The following DRAM1 variants were observed in gnomAD, a reference collection of about 807,000 sequenced individuals.
DRAM1 encodes the protein DNA damage-regulated autophagy modulator protein 1.
Under a neutral mutation model 28.5 loss-of-function variants are expected in DRAM1, and 25 were observed. That is an observed-to-expected ratio of 0.88 (90% CI 0.64 to 1.23). DRAM1 has a LOEUF of 1.23. Ranked by LOEUF, DRAM1 falls within the 50% of genes most tolerant of loss-of-function variation. The pLI is 0.00. For synonymous variants in DRAM1, 113 were observed against 114.2 expected (o/e 0.99, Z 0.07); for missense variants, 249 against 299.2 (o/e 0.83, Z 1.24).
chr12:101,882,327 G>A (rs986838239), intron 1 of DRAM1, among the ~76,000 whole-genome samples: 6 of 150,472 alleles, frequency 4.0e-5, no homozygotes, highest in African/African-American at 1.5e-4. Context: ...AGTCAGGATG[G>A]TCTCGATCTC....
rs909162832 is a variant in DRAM1 at position 101,921,327 on chromosome 12, G to A, written c.*67G>A. The A allele has an allele frequency of 6.4e-6, 9 of 1,406,712 alleles. No individual in the cohort carries two copies. Among genetic ancestry groups the A allele is most frequent in the Non-Finnish European group, 9.1e-6 (9 of 992,668 alleles). The allele number at this position is 1,406,712 out of a possible 1,614,324, so 87.1% of individuals were successfully genotyped here. On this transcript the variant is annotated 3_prime_UTR_variant, in exon 7 of 7. Transcript: ENST00000258534. ...ATTTCTAAAAGTGCTACAGAGGACA[G>A]ACAGGGTTTTGAGGCCACCCTGATT...
chr12:101,879,866 C>T (rs1354998882), intron 1 of DRAM1, among the ~76,000 whole-genome samples: 5 of 151,896 alleles, frequency 3.3e-5, no homozygotes, highest in African/African-American at 7.3e-5. Context: ...TGGTGGTGCA[C>T]GCCTGTAGTC....
chr12:101,893,666 C>T (rs900746138), intron 1 of DRAM1, among the ~76,000 whole-genome samples: 1 of 152,086 alleles, frequency 6.6e-6, no homozygotes, highest in African/African-American at 2.4e-5. Flanking sequence ...TTGATATAGA[C>T]CCCCCTCAGG....
chr12:101,919,602 A>G (rs1048680113), intron 5 of DRAM1, among the ~76,000 whole-genome samples: 1 of 152,216 alleles, frequency 6.6e-6, no homozygotes, highest in African/African-American at 2.4e-5. Flanking sequence ...GTTAAGCAGA[A>G]CTATTTCCTG....
At position 101,895,566 on chromosome 12, in the gene DRAM1, A is replaced by ATTTTTGTT. The variant is rs61325494; in HGVS notation, c.132-2292_132-2291insGTTTTTTT. Among the ~76,000 whole-genome samples the ATTTTTGTT allele has an allele frequency of 1.1e-4, 11 of 103,412 alleles. No individual in the cohort carries two copies. In the East Asian group the frequency reaches 2.2e-3, roughly 21 times the overall value. 67.8% of individuals were successfully genotyped at this position (103,412 alleles called of 152,430 possible). On this transcript the variant is annotated intron_variant, in intron 1 of 6. Transcript: ENST00000258534. ...AAAGGCATTTGCTGTAAGGGAGGCT[A>ATTTTTGTT]TTTTTTTTTTTTTTTTTTTTTTGAG...
intron 1 of DRAM1, among the ~76,000 whole-genome samples, chr12:101,891,986 G>T (rs1200115505): frequency 1.3e-5 from 2 of 152,054 alleles, no homozygotes; most frequent in African/African-American, 2.4e-5. Context: ...CATTTAGCTT[G>T]AGCTTAAAAA....
Position 101,921,436 on chromosome 12 carries a change from G to A in DRAM1, c.*176G>A. The A allele has an allele frequency of 1.7e-6, 1 of 604,012 alleles. No individual in the cohort carries two copies. The highest frequency in any genetic ancestry group is 2.0e-5 in the South Asian group (1 of 49,740). The allele number at this position is 604,012 out of a possible 1,614,324, so 37.4% of individuals were successfully genotyped here. Reference sequence around the variant, plus strand: ...TGTATTTCTAAAGATGTGTTTCCTAGAGAATGTACAGCCTTATGACACTGT... The same window carrying A: ...TGTATTTCTAAAGATGTGTTTCCTAAAGAATGTACAGCCTTATGACACTGT... On this transcript the variant is annotated 3_prime_UTR_variant, in exon 7 of 7. Coordinates refer to ENST00000258534, the MANE Select transcript of DRAM1 (RefSeq NM_018370.3).
At position 101,908,213 on chromosome 12, in the gene DRAM1, G is replaced by A. The variant is rs758430600; in HGVS notation, c.370G>A (p.Gly124Arg). 15 of 1,611,580 alleles carry A rather than the reference G, an allele frequency of 9.3e-6. No homozygotes were observed. Among genetic ancestry groups the A allele is most frequent in the African/African-American group, 2.7e-5 (2 of 74,738 alleles). Reference protein sequence around the residue: ...QELAVPVVHDGGALLAFVCGV... With the variant: ...QELAVPVVHDRGALLAFVCGV... Reference sequence around the variant, plus strand: ...GTTAGCTGTGCCAGTGGTTCATGACGGGGGCGCTCTTTTGGCCTTTGTCTG... The same window carrying A: ...GTTAGCTGTGCCAGTGGTTCATGACAGGGGCGCTCTTTTGGCCTTTGTCTG... The change falls in exon 4 of 7, where the codon GGG (glycine) becomes AGG (arginine). Residue 124 changes from glycine to arginine, a missense_variant. Transcript: ENST00000258534.
At chr12:101,880,421 G>A (rs1262219985) in intron 1 of DRAM1, among the ~76,000 whole-genome samples, 1 of 151,292 alleles carries the variant, frequency 6.6e-6, no homozygotes, top group African/African-American at 2.4e-5. Context: ...CAAGTAGCTG[G>A]GATTACAGGC....
intron 1 of DRAM1, among the ~76,000 whole-genome samples, chr12:101,881,084 A>G (rs779610048): frequency 3.9e-5 from 6 of 152,200 alleles, no homozygotes; most frequent in Non-Finnish European, 8.8e-5. Context: ...TAAGAACCAC[A>G]CATAGAGAAG....
chr12:101,877,865 T>C lies in DRAM1; in HGVS notation c.76T>C (p.Ser26Pro). 1 of 1,545,886 alleles carries C rather than the reference T, an allele frequency of 6.5e-7. No homozygotes were observed. The highest frequency in any genetic ancestry group is 8.7e-7 in the Non-Finnish European group (1 of 1,143,824). Residue 26 changes from serine to proline, a missense_variant, in exon 1 of 7, where the codon TCC becomes CCC. This residue lies in a region of DRAM1 where 218 missense variants were observed against 243.1 expected (regional missense o/e 0.90). Transcript: ENST00000258534. This position sits in a 1 kb window ranked among gnomAD's most constrained non-coding sequence, Gnocchi z 4.1. The part of the protein sequence containing the change: ...VTWSSAAFII[S>P]YVVAVLSGHV... ...CTGGTCGTCAGCCGCCTTCATTATC[T>C]CCTACGTGGTCGCCGTGCTCTCCGG...
chr12:101,894,914 G>A (rs1009180787), intron 1 of DRAM1, among the ~76,000 whole-genome samples: 2 of 152,170 alleles, frequency 1.3e-5, no homozygotes, highest in African/African-American at 2.4e-5. Flanking sequence ...TGTGTAACAA[G>A]AACTCTAGGA....
chr12:101,892,017 G>A (rs918124618), intron 1 of DRAM1, among the ~76,000 whole-genome samples: 1 of 152,088 alleles, frequency 6.6e-6, no homozygotes, highest in South Asian at 2.1e-4. Context: ...ATAAAAAGAG[G>A]TTACCCACAG....
intron 1 of DRAM1, among the ~76,000 whole-genome samples, chr12:101,889,507 GAAGGAAGGA>G (rs1209475005): frequency 1.8e-5 from 2 of 110,498 alleles, no homozygotes; most frequent in African/African-American, 9.4e-5. Context: ...GGAAGGAAAG[GAAGGAAGGA>G]AAGGAAGGAA....
chr12:101,908,708 C>T (rs1416766092), intron 4 of DRAM1, among the ~76,000 whole-genome samples: 3 of 151,794 alleles, frequency 2.0e-5, no homozygotes, highest in Admixed American at 1.3e-4. Flanking sequence ...TGAGTGTGAT[C>T]AGATATGAGG....
intron 1 of DRAM1, among the ~76,000 whole-genome samples, chr12:101,885,051 A>G (rs1281792417): frequency 2.0e-5 from 3 of 150,638 alleles, no homozygotes; most frequent in African/African-American, 7.4e-5. Flanking sequence ...CTCCCACCTC[A>G]TCCTCCCGAG....
intron 4 of DRAM1, among the ~76,000 whole-genome samples, chr12:101,913,705 CAAAAAAAAAAAA>C (rs60536139): frequency 4.0e-5 from 2 of 50,184 alleles, no homozygotes; most frequent in East Asian, 1.0e-3. Flanking sequence ...GAGTACGTCT[CAAAAAAAAAAAA>C]AAAAAAAAAA....
rs1566129123 is a variant in DRAM1 at position 101,908,305 on chromosome 12, CT to C, written c.463del (p.Ser155ArgfsTer20). On this transcript the variant is annotated frameshift_variant, in exon 4 of 7. Transcript: ENST00000258534. LOFTEE classifies it high-confidence loss of function. ...AATCATGTCCCCAGTGGAACAGTCT[CT>C]CGACATGCCACATACGGATGGTCAT... ...YKSCPQWNSL[S>X]TCHIRMVISA... 1.9e-6 allele frequency: 3 copies of C among 1,614,174 alleles called. No homozygotes were observed. Among genetic ancestry groups the C allele is most frequent in the Non-Finnish European group, 2.5e-6 (3 of 1,180,038 alleles).
chr12:101,887,129 G>C (rs1380546495), intron 1 of DRAM1, among the ~76,000 whole-genome samples: 2 of 128,138 alleles, frequency 1.6e-5, no homozygotes, highest in East Asian at 2.5e-4. Flanking sequence ...TGGGCGACAA[G>C]AGTGAAACTC....
Sources: allele counts gnomAD v4.1 joint callset (sites outside exome capture counted in the v4.1 genomes callset), GRCh38; gene constraint gnomAD v4.1.1; regional missense constraint gnomAD v4.1.1; non-coding constraint Gnocchi (gnomAD v3.1); transcripts MANE v1.5; gene names NCBI Gene and HGNC (gene_info 2026-07-23, HGNC 2026-07-21).